Variants in CDH13 observed in about 807,000 individuals in gnomAD.
CDH13 encodes cadherin-13.
A neutral mutation model predicts 63.8 loss-of-function variants in CDH13; 24 were observed. The observed-to-expected ratio is 0.38, with a 90% confidence interval of 0.27 to 0.53. CDH13 has a LOEUF of 0.53. Among genes scored for constraint, CDH13 ranks in the 20% least tolerant of loss-of-function variants. The probability of loss-of-function intolerance (pLI) is 0.85; values close to 1 mark genes in which losing one functional copy is unlikely to be tolerated. For missense variants in CDH13, 1,049 were observed against 903.1 expected (o/e 1.16, Z -2.07); for synonymous variants, 503 against 355.3 (o/e 1.42, Z -4.67).
At chr16:82,718,683 A>G (rs1381507) in intron 1 of CDH13, among the ~76,000 whole-genome samples, 102,627 of 151,938 alleles carry the variant, frequency 0.68, 34,884 homozygotes, top group East Asian at 0.78. Context: ...CTCACATGGC[A>G]GCAGACAAGA....
rs35631596 is a variant in CDH13, at chr16:83,460,995, G to GCACACACA, written c.782-25463_782-25456dup. 1.4e-3 allele frequency among the ~76,000 whole-genome samples: 207 copies of GCACACACA among 147,906 alleles called. 3 individuals are homozygous for GCACACACA. Among genetic ancestry groups the GCACACACA allele is most frequent in the Middle Eastern group, 7.0e-3 (2 of 286 alleles). On this transcript the variant is annotated intron_variant, in intron 6 of 13. Coordinates refer to ENST00000567109, the MANE Select transcript of CDH13 (RefSeq NM_001257.5). The stretch of plus-strand genomic sequence containing the variant: ...ACCTTGTCTCAAAACACACACACAC[G>GCACACACA]CACACACACACACACACACACACAC...
At position 83,235,248 on chromosome 16, in the gene CDH13, C is replaced by T. The variant is rs116268637; in HGVS notation, c.636+17751C>T. Among the ~76,000 whole-genome samples the T allele has an allele frequency of 4.6e-3, 706 of 152,218 alleles. 3 individuals are homozygous for T. Among genetic ancestry groups the T allele is most frequent in the African/African-American group, 0.016 (685 of 41,544 alleles). On this transcript the variant is annotated intron_variant, in intron 5 of 13. Transcript: ENST00000567109. ...ATATATAAACAAACACTTAGGTTTGCAGGGAAGCACCCTCCAATGCACAGG... is the reference window on the plus strand; with the variant it reads ...ATATATAAACAAACACTTAGGTTTGTAGGGAAGCACCCTCCAATGCACAGG...
intron 13 of CDH13, among the ~76,000 whole-genome samples, chr16:83,791,450 C>G (rs1479782188): frequency 1.3e-5 from 2 of 150,860 alleles, no homozygotes; most frequent in African/African-American, 4.9e-5. Flanking sequence ...AAGCTGAGAT[C>G]ATGCCACTGT....
At chr16:83,201,345 G>C (rs1221225305) in intron 4 of CDH13, among the ~76,000 whole-genome samples, 1 of 151,750 alleles carries the variant, frequency 6.6e-6, no homozygotes, top group African/African-American at 2.4e-5. Context: ...GTCAGGTACT[G>C]AGGGTTCGGT....
intron 5 of CDH13, among the ~76,000 whole-genome samples, chr16:83,299,204 G>A (rs1410980975): frequency 6.6e-6 from 1 of 151,528 alleles, no homozygotes; most frequent in African/African-American, 2.4e-5. Flanking sequence ...TTTTTTAATG[G>A]CTGGAGAAGA....
chr16:83,438,435 G>T (rs991819173), intron 6 of CDH13, among the ~76,000 whole-genome samples: 1 of 152,150 alleles, frequency 6.6e-6, no homozygotes, highest in Admixed American at 6.6e-5. Flanking sequence ...ATTTGAGATG[G>T]CACAGACAAT....
In CDH13 at chr16:83,303,872, T is replaced by C. The variant is rs1268004992; in HGVS notation, c.637-40990T>C. Among the ~76,000 whole-genome samples the C allele has an allele frequency of 2.6e-5, 4 of 152,092 alleles. No individual in the cohort carries two copies. The East Asian group carries it at 7.7e-4, about 29-fold the overall frequency. ...GGGCACAGGATTCTCATGACAGGCT[T>C]AGTGGGGCATCTTGGGTGACAGGTG... On this transcript the variant is annotated intron_variant, in intron 5 of 13. Transcript: ENST00000567109.
chr16:83,780,727 C>T (rs1290889490), intron 12 of CDH13, among the ~76,000 whole-genome samples: 1 of 152,134 alleles, frequency 6.6e-6, no homozygotes, highest in African/African-American at 2.4e-5. Context: ...AATTAAACTC[C>T]ACAGATTCTT....
intron 1 of CDH13, among the ~76,000 whole-genome samples, chr16:82,703,206 TAC>T (rs34528218): frequency 0.24 from 35,555 of 149,086 alleles, 5,129 homozygotes; most frequent in African/African-American, 0.42. Flanking sequence ...GGATGTATAC[TAC>T]ACACACACAC....
At chr16:83,446,436 C>G (rs2072691547) in intron 6 of CDH13, among the ~76,000 whole-genome samples, 1 of 152,156 alleles carries the variant, frequency 6.6e-6, no homozygotes, top group Non-Finnish European at 1.5e-5. Context: ...AGATCGGTTT[C>G]CACCACTCAG....
At chr16:83,241,590 C>G (rs1904455101) in intron 5 of CDH13, among the ~76,000 whole-genome samples, 1 of 152,112 alleles carries the variant, frequency 6.6e-6, no homozygotes, top group South Asian at 2.1e-4. Flanking sequence ...TAGTGATGTT[C>G]AGCATTTTTT....
At chr16:82,797,648 G>GA (rs1021166222) in intron 1 of CDH13, among the ~76,000 whole-genome samples, 6 of 151,320 alleles carry the variant, frequency 4.0e-5, no homozygotes, top group South Asian at 2.1e-4. Context: ...ACCTGTTTAG[G>GA]AAAAAAAAAT....
chr16:83,112,178 C>A (rs2035087728), intron 3 of CDH13, among the ~76,000 whole-genome samples: 1 of 152,164 alleles, frequency 6.6e-6, no homozygotes, highest in Non-Finnish European at 1.5e-5. Flanking sequence ...ATTAATTTTT[C>A]TTTCATTTAT....
intron 6 of CDH13, among the ~76,000 whole-genome samples, chr16:83,470,399 C>G (rs1251954713): frequency 1.3e-5 from 2 of 152,138 alleles, no homozygotes; most frequent in African/African-American, 2.4e-5. Context: ...CTTTGGCTAT[C>G]AAAAGGTAGC....
chr16:83,632,723 G>A (rs941608785), intron 8 of CDH13, among the ~76,000 whole-genome samples: 1 of 60,710 alleles, frequency 1.6e-5, no homozygotes, highest in African/African-American at 6.0e-5. Context: ...AATTCAGGGC[G>A]AGTCCATAGA....
chr16:83,612,853 G>C (rs960017687), intron 8 of CDH13, among the ~76,000 whole-genome samples: 8 of 151,858 alleles, frequency 5.3e-5, no homozygotes, highest in African/African-American at 1.5e-4. Flanking sequence ...TTTTAATTCT[G>C]TATCAGTTTA....
Position 83,763,586 on chromosome 16 carries a change from A to T in CDH13, c.1681+15336A>T, listed in dbSNP as rs556695587. ...CTCTAGACTGCAGGGGGGATATAGT[A>T]AGATTATTTAGATTGATTCTACTTA... On this transcript the variant is annotated intron_variant, in intron 11 of 13. Transcript: ENST00000567109. 7.6e-4 allele frequency among the ~76,000 whole-genome samples: 115 copies of T among 152,204 alleles called. 1 individual carries two copies. The highest frequency in any genetic ancestry group is 2.7e-3 in the African/African-American group (112 of 41,538).
intron 6 of CDH13, among the ~76,000 whole-genome samples, chr16:83,408,387 G>A (rs1441607559): frequency 2.6e-5 from 4 of 152,192 alleles, no homozygotes; most frequent in African/African-American, 7.2e-5. Flanking sequence ...GTGCACTTAC[G>A]CAAATCTAGA....
intron 5 of CDH13, among the ~76,000 whole-genome samples, chr16:83,239,846 A>G (rs1205237697): frequency 6.6e-6 from 1 of 152,182 alleles, no homozygotes; most frequent in Non-Finnish European, 1.5e-5. Flanking sequence ...AAACAGGACC[A>G]GGAGGATGGG....
Sources: allele counts gnomAD v4.1 joint callset (sites outside exome capture counted in the v4.1 genomes callset), GRCh38; gene constraint gnomAD v4.1.1; transcripts MANE v1.5; gene names NCBI Gene and HGNC (gene_info 2026-07-23, HGNC 2026-07-21).